The following PHF20 variants were observed in gnomAD, a reference collection of about 807,000 sequenced individuals.
PHF20 encodes the protein PHD finger protein 20.
PHF20 carries 23 observed loss-of-function variants against 113.5 expected under a neutral mutation model. The observed-to-expected ratio is 0.20, with a 90% CI of 0.15 to 0.29. The LOEUF is 0.29. PHF20 is among the 10% of genes least tolerant of loss of function. PHF20 has a pLI of 1.00. For missense variants in PHF20, 943 were observed against 1,219.6 expected (o/e 0.77, Z 3.38); for synonymous variants, 434 against 457.3 (o/e 0.95, Z 0.65).
intron 2 of PHF20, among the ~76,000 whole-genome samples, chr20:35,824,478 G>T (rs965748882): frequency 6.6e-6 from 1 of 151,824 alleles, no homozygotes; most frequent in African/African-American, 2.4e-5. Flanking sequence ...GTGGTGGCAT[G>T]TGCCTGTAGT....
At chr20:35,808,485 C>T (rs1301936445) in intron 2 of PHF20, among the ~76,000 whole-genome samples, 2 of 149,640 alleles carry the variant, frequency 1.3e-5, no homozygotes, top group African/African-American at 2.4e-5. Flanking sequence ...TTTTTTTTTT[C>T]AGCCTGAGTA....
intron 10 of PHF20, among the ~76,000 whole-genome samples, chr20:35,912,789 G>A (rs1365602401): frequency 6.6e-6 from 1 of 152,130 alleles, no homozygotes; most frequent in East Asian, 1.9e-4. Context: ...CTGAGATCGC[G>A]CCACTGCACT....
At chr20:35,784,349 G>C (rs549093226) in intron 1 of PHF20, among the ~76,000 whole-genome samples, 46 of 151,114 alleles carry the variant, frequency 3.0e-4, no homozygotes, top group Admixed American at 2.8e-3. Context: ...ACTGCACCCG[G>C]CCACATTTTT....
chr20:35,902,703 G>A (rs1214215790), intron 10 of PHF20, among the ~76,000 whole-genome samples: 1 of 152,174 alleles, frequency 6.6e-6, no homozygotes, highest in Admixed American at 6.5e-5. Context: ...AGGCTCTACC[G>A]CTTGCTTGCT....
intron 2 of PHF20, among the ~76,000 whole-genome samples, chr20:35,806,979 C>T (rs141121880): frequency 0.033 from 4,973 of 151,534 alleles, 86 homozygotes; most frequent in Middle Eastern, 0.044. Context: ...GTATTTTTAG[C>T]AGAGACGGAG....
chr20:35,926,415 A>G (rs1489151992), intron 13 of PHF20, among the ~76,000 whole-genome samples: 1 of 150,778 alleles, frequency 6.6e-6, no homozygotes, highest in Non-Finnish European at 1.5e-5. Flanking sequence ...TTTTTTTTGT[A>G]TTTTTAGTAG....
At chr20:35,831,241 C>T (rs1366317795) in intron 2 of PHF20, among the ~76,000 whole-genome samples, 2 of 151,514 alleles carry the variant, frequency 1.3e-5, no homozygotes, top group African/African-American at 4.9e-5. Context: ...CTCAACACAG[C>T]CTCAACCTTC....
chr20:35,808,539 C>G (rs576036406), intron 2 of PHF20, among the ~76,000 whole-genome samples: 2 of 151,434 alleles, frequency 1.3e-5, no homozygotes, highest in East Asian at 3.9e-4. Flanking sequence ...ACTGGCCATG[C>G]GTATTTTCCC....
intron 1 of PHF20, among the ~76,000 whole-genome samples, chr20:35,784,848 C>G (rs1419962105): frequency 6.6e-6 from 1 of 151,892 alleles, no homozygotes; most frequent in Non-Finnish European, 1.5e-5. Flanking sequence ...CTGAGGAGTT[C>G]GAGACTAGCC....
At chr20:35,816,541 C>T (rs1320070619) in intron 2 of PHF20, among the ~76,000 whole-genome samples, 3 of 151,154 alleles carry the variant, frequency 2.0e-5, no homozygotes, top group Non-Finnish European at 2.9e-5. Flanking sequence ...CCTCTGCCTC[C>T]GGGGTTCAAG....
chr20:35,823,067 T>C (rs1405039805), intron 2 of PHF20, among the ~76,000 whole-genome samples: 1 of 152,032 alleles, frequency 6.6e-6, no homozygotes, highest in Non-Finnish European at 1.5e-5. Context: ...ATGTATAATG[T>C]ATATGTGTAT....
chr20:35,894,338 C>T (rs953159761), intron 9 of PHF20, among the ~76,000 whole-genome samples: 1 of 152,180 alleles, frequency 6.6e-6, no homozygotes, highest in Admixed American at 6.6e-5. Flanking sequence ...CTACTTTGTG[C>T]CAAGTACATA....
intron 4 of PHF20, among the ~76,000 whole-genome samples, chr20:35,854,312 A>G (rs1361767538): frequency 6.6e-6 from 1 of 152,206 alleles, no homozygotes; most frequent in East Asian, 1.9e-4. Flanking sequence ...GTTTCATCTT[A>G]AAGTCTAAGG....
chr20:35,899,465 T>G lies in PHF20; in HGVS notation c.1378T>G (p.Leu460Val), dbSNP rs761432695. The change falls in exon 10 of 18, where the codon TTA becomes GTA. Residue 460 changes from leucine (L) to valine (V), a missense_variant. Around this residue, in one of 3 missense-constraint regions of PHF20, gnomAD observed 592 missense variants for 787.2 expected, o/e 0.75. Coordinates refer to ENST00000374012, the MANE Select transcript of PHF20 (RefSeq NM_016436.5). Reference protein sequence around the residue: ...HKFRCKVVDCLKFFRKAKLLH... With the variant: ...HKFRCKVVDCVKFFRKAKLLH... ...GTTTAGATGCAAAGTTGTGGACTGT[T>G]TAAAATTTTTCCGCAAAGCCAAACT... The G allele has an allele frequency of 2.5e-6, 4 of 1,614,178 alleles. No individual in the cohort carries two copies. Among genetic ancestry groups the G allele is most frequent in the Non-Finnish European group, 2.5e-6 (3 of 1,180,016 alleles).
chr20:35,829,798 C>T (rs1419474459), intron 2 of PHF20, among the ~76,000 whole-genome samples: 1 of 152,100 alleles, frequency 6.6e-6, no homozygotes, highest in African/African-American at 2.4e-5. Context: ...AGTTTGAGAC[C>T]AGCCTAGGTA....
At chr20:35,866,035 C>T (rs933822990) in intron 6 of PHF20, among the ~76,000 whole-genome samples, 2 of 151,926 alleles carry the variant, frequency 1.3e-5, no homozygotes, top group East Asian at 3.9e-4. Context: ...ATGGTGAAAC[C>T]CCCATCTCTA....
intron 4 of PHF20, among the ~76,000 whole-genome samples, chr20:35,848,098 C>A (rs1242100509): frequency 6.6e-6 from 1 of 152,104 alleles, no homozygotes; most frequent in East Asian, 1.9e-4. Context: ...TGTGTGGTCT[C>A]CATGATCTCT....
chr20:35,815,206 TATAA>T (rs556565475), intron 2 of PHF20, among the ~76,000 whole-genome samples: 112 of 151,868 alleles, frequency 7.4e-4, no homozygotes, highest in Middle Eastern at 3.4e-3. Flanking sequence ...CCCGAAAAAT[TATAA>T]ATAAATAAGT....
At chr20:35,849,402 A>G in intron 4 of PHF20, 1 of 469,960 alleles carries the variant, frequency 2.1e-6, no homozygotes, top group Non-Finnish European at 4.4e-6. Flanking sequence ...ACAAAAGAAG[A>G]CCTGCTTCAA....
Sources: allele counts gnomAD v4.1 joint callset (sites outside exome capture counted in the v4.1 genomes callset), GRCh38; gene constraint gnomAD v4.1.1; regional missense constraint gnomAD v4.1.1; transcripts MANE v1.5; gene names NCBI Gene and HGNC (gene_info 2026-07-23, HGNC 2026-07-21).